Variants in SH3GLB1 observed in about 807,000 individuals in gnomAD.
SH3GLB1 encodes the protein endophilin-B1.
In SH3GLB1, 17 loss-of-function variants were observed where a neutral mutation model predicts 42.0. That is an observed-to-expected ratio of 0.40 (90% CI 0.28 to 0.61). SH3GLB1 has a LOEUF of 0.61. Ranked by LOEUF, SH3GLB1 falls within the 20% of genes least tolerant of loss-of-function variation. The pLI, the probability that SH3GLB1 is intolerant of heterozygous loss-of-function variation, is 0.36. For missense variants in SH3GLB1, 355 were observed against 426.3 expected, an observed-to-expected ratio of 0.83 and a Z score of 1.47; for synonymous variants, 132 against 146.6, an observed-to-expected ratio of 0.90 and a Z score of 0.72.
intron 7 of SH3GLB1, among the ~76,000 whole-genome samples, chr1:86,736,899 C>G (rs1655807051): frequency 6.6e-6 from 1 of 152,172 alleles, no homozygotes; most frequent in Admixed American, 6.5e-5. Context: ...CTTGACAAAT[C>G]ATCCAGCTTC....
At chr1:86,727,564 A>T (rs909397237) in intron 5 of SH3GLB1, among the ~76,000 whole-genome samples, 2 of 152,036 alleles carry the variant, frequency 1.3e-5, no homozygotes, top group Non-Finnish European at 2.9e-5. Flanking sequence ...TAATGCAAAT[A>T]TTCCAAAACC....
intron 5 of SH3GLB1, among the ~76,000 whole-genome samples, chr1:86,732,653 A>C (rs905998110): frequency 1.3e-5 from 2 of 152,160 alleles, no homozygotes; most frequent in Non-Finnish European, 2.9e-5. Flanking sequence ...AAGCTTTGTA[A>C]CATGGTGCCT....
intron 7 of SH3GLB1, among the ~76,000 whole-genome samples, chr1:86,737,910 A>G (rs377257583): frequency 8.5e-5 from 13 of 152,300 alleles, no homozygotes; most frequent in East Asian, 5.8e-4. Context: ...CATAGCTGGT[A>G]TGGTCAAGGA....
chr1:86,724,892 A>AAAAAAATATATATATATATAT (rs1291454820), intron 5 of SH3GLB1, among the ~76,000 whole-genome samples: 4 of 99,680 alleles, frequency 4.0e-5, no homozygotes, highest in Non-Finnish European at 5.5e-5. Flanking sequence ...AAAAAAAAAA[A>AAAAAAATATATATATATATAT]ATATATATAT....
chr1:86,718,928 A>C (rs1324895655), intron 2 of SH3GLB1, among the ~76,000 whole-genome samples: 1 of 152,232 alleles, frequency 6.6e-6, no homozygotes. Context: ...CTTTAAACAT[A>C]AACTAAAGCC....
At chr1:86,737,443 A>G (rs997977914) in intron 7 of SH3GLB1, among the ~76,000 whole-genome samples, 2 of 152,218 alleles carry the variant, frequency 1.3e-5, no homozygotes, top group Admixed American at 6.5e-5. Flanking sequence ...ACATATTCAT[A>G]TAAATAGAGC....
Position 86,719,555 on chromosome 1 carries a change from C to T in SH3GLB1, c.263C>T (p.Pro88Leu). ...FVYEKLDRKA[P>L]SRINNPELLG... ...TATGAGAAACTGGATAGAAAAGCTC[C>T]AAGTCGTATAAACAACCCAGAACTT... Residue 88 changes from proline to leucine, a missense_variant, in exon 3 of 9, where the codon CCA (proline) becomes CTA (leucine). By Grantham distance (98) the Pro-to-Leu change is moderately conservative. Coordinates refer to ENST00000370558, the MANE Select transcript of SH3GLB1 (RefSeq NM_016009.5). The T allele has an allele frequency of 6.2e-7, 1 of 1,610,234 alleles. No homozygotes were observed. The highest frequency in any genetic ancestry group is 8.5e-7 in the Non-Finnish European group (1 of 1,178,054).
intron 5 of SH3GLB1, among the ~76,000 whole-genome samples, chr1:86,731,656 T>TA (rs2101969963): frequency 6.6e-6 from 1 of 152,286 alleles, no homozygotes; most frequent in South Asian, 2.1e-4. Flanking sequence ...AAATAATTGA[T>TA]ACAATACATG....
At chr1:86,724,157 G>A (rs1031417782) in intron 4 of SH3GLB1, among the ~76,000 whole-genome samples, 156 bp from the exon 5 acceptor site, 1 of 140,914 alleles carries the variant, frequency 7.1e-6, no homozygotes, top group Non-Finnish European at 1.5e-5. Context: ...GTGGGGGGGG[G>A]CAGATACATG....
intron 7 of SH3GLB1, among the ~76,000 whole-genome samples, chr1:86,737,351 A>G (rs960958265): frequency 3.3e-5 from 5 of 152,242 alleles, no homozygotes; most frequent in Non-Finnish European, 2.9e-5. Context: ...GGTACACTTC[A>G]GTGGCTAATC....
intron 5 of SH3GLB1, chr1:86,728,391 T>G: frequency 6.7e-7 from 1 of 1,490,798 alleles, no homozygotes; most frequent in South Asian, 1.2e-5. Context: ...TGTCTCTTAC[T>G]ATGCACTTAA....
chr1:86,717,532 G>T (rs558542611), intron 2 of SH3GLB1, among the ~76,000 whole-genome samples: 1 of 152,144 alleles, frequency 6.6e-6, no homozygotes, highest in Admixed American at 6.5e-5. Flanking sequence ...CGATTTTCCT[G>T]CCTCTGCCTG....
At chr1:86,705,788 T>C (rs546515064) in intron 1 of SH3GLB1, among the ~76,000 whole-genome samples, 1 of 152,222 alleles carries the variant, frequency 6.6e-6, no homozygotes, top group Non-Finnish European at 1.5e-5. Flanking sequence ...ACTCAGTAAA[T>C]CTGTGAACAG....
intron 1 of SH3GLB1, among the ~76,000 whole-genome samples, chr1:86,706,072 C>T (rs1169279367): frequency 6.6e-6 from 1 of 152,178 alleles, no homozygotes; most frequent in African/African-American, 2.4e-5. Flanking sequence ...ACCTGTCAAG[C>T]ACTTTGTAAT....
intron 5 of SH3GLB1, among the ~76,000 whole-genome samples, chr1:86,733,418 T>C (rs187659355): frequency 2.9e-4 from 44 of 152,262 alleles, no homozygotes; most frequent in African/African-American, 1.1e-3. Context: ...GTTCATACCT[T>C]GTTGGGTTTT....
chr1:86,728,307 TTTAC>T, intron 5 of SH3GLB1: 1 of 516,158 alleles, frequency 1.9e-6, no homozygotes, highest in East Asian at 3.5e-5. Context: ...GATTGGCTCT[TTTAC>T]TTGTTTAATG....
chr1:86,747,956 C>G lies in SH3GLB1; in HGVS notation c.*4721C>G, dbSNP rs911262006. ...GAACCACTGTTATTTAAGTATATGGCCTTCCAGACTTTTCTGTGCATTTAT... is the reference window on the plus strand; with the variant it reads ...GAACCACTGTTATTTAAGTATATGGGCTTCCAGACTTTTCTGTGCATTTAT... On this transcript the variant is annotated 3_prime_UTR_variant, in exon 9 of 9. Transcript: ENST00000370558. 4.6e-5 allele frequency: 7 copies of G among 152,238 alleles called. No individual in the cohort carries two copies. The highest frequency in any genetic ancestry group is 7.2e-5 in the African/African-American group (3 of 41,550). The allele number at this position is 152,238 out of a possible 1,614,324, so 9.4% of individuals were successfully genotyped here.
intron 3 of SH3GLB1, 130 bp downstream of exon 3, chr1:86,719,765 G>A (rs971926910): frequency 2.4e-6 from 2 of 818,538 alleles, no homozygotes; most frequent in Non-Finnish European, 1.8e-6. Flanking sequence ...GGTGGTTGAG[G>A]TGGGCGGATC....
chr1:86,704,859 C>T lies in SH3GLB1; in HGVS notation c.-41C>T, dbSNP rs918049429. 1.4e-5 allele frequency: 20 copies of T among 1,450,898 alleles called. No homozygotes were observed. The highest frequency in any genetic ancestry group is 1.8e-4 in the Middle Eastern group (1 of 5,644). 89.9% of individuals were successfully genotyped at this position (1,450,898 alleles called of 1,614,324 possible). A position where few individuals can be genotyped will look rare whatever the true frequency, so the allele number is the denominator to read the frequency against. On this transcript the variant is annotated 5_prime_UTR_variant, in exon 1 of 9. Coordinates refer to ENST00000370558, the MANE Select transcript of SH3GLB1 (RefSeq NM_016009.5). ...GCCCGGCCGCGGCACCTCCGCCTCGCCGCCGCTAGGTCGGCCGGCTCCGCC... is the reference window on the plus strand; with the variant it reads ...GCCCGGCCGCGGCACCTCCGCCTCGTCGCCGCTAGGTCGGCCGGCTCCGCC...
Sources: allele counts gnomAD v4.1 joint callset (sites outside exome capture counted in the v4.1 genomes callset), GRCh38; gene constraint gnomAD v4.1.1; transcripts MANE v1.5; gene names NCBI Gene and HGNC (gene_info 2026-07-23, HGNC 2026-07-21).